The following INTS6 variants were observed in gnomAD, a reference collection of about 807,000 sequenced individuals.
INTS6 encodes the protein DEAD box protein.
Under a neutral mutation model 104.9 loss-of-function variants are expected in INTS6, and 16 were observed. The ratio of observed to expected loss-of-function variants is 0.15; its 90% CI spans 0.10 to 0.23. The LOEUF is 0.23. Ranked by LOEUF, INTS6 falls within the 10% of genes least tolerant of loss-of-function variation. The pLI, the probability that INTS6 is intolerant of heterozygous loss-of-function variation, is 1.00. For missense variants in INTS6, 584 were observed against 1,062.8 expected (o/e 0.55, Z 6.26); for synonymous variants, 324 against 358.7 (o/e 0.90, Z 1.09).
chr13:51,370,717 TAC>T (rs966092386), intron 15 of INTS6, among the ~76,000 whole-genome samples: 2 of 152,090 alleles, frequency 1.3e-5, no homozygotes, highest in Non-Finnish European at 2.9e-5. Flanking sequence ...GCAAAAAGTA[TAC>T]AGTTTATATC....
intron 9 of INTS6, 80 bp from the exon 10 acceptor site, chr13:51,382,203 T>C: frequency 2.7e-6 from 2 of 730,672 alleles, no homozygotes; most frequent in Non-Finnish European, 4.3e-6. Flanking sequence ...GTTTCCTTTT[T>C]AAAGTCTGCT....
At chr13:51,423,474 A>G (rs1379927559) in intron 4 of INTS6, among the ~76,000 whole-genome samples, 1 of 152,070 alleles carries the variant, frequency 6.6e-6, no homozygotes, top group Admixed American at 6.6e-5. Flanking sequence ...CATGACAGAT[A>G]ATATAAATTA....
Position 51,451,839 on chromosome 13 carries a change from A to C in INTS6, c.189+139T>G, listed in dbSNP as rs1399269025. On this transcript the variant is annotated intron_variant, in intron 2 of 17. Transcript: ENST00000311234. ...AGCGGGGGAGGGGGTGGGAGCCCGCAGGGAAGAGACCTCAGCGGCTGGGAG... is the reference window on the plus strand; with the variant it reads ...AGCGGGGGAGGGGGTGGGAGCCCGCCGGGAAGAGACCTCAGCGGCTGGGAG... The C allele has an allele frequency of 1.0e-4, 41 of 410,830 alleles. No homozygotes were observed. The Admixed American group carries it at 1.3e-3, about 13-fold the overall frequency. 25.4% of individuals were successfully genotyped at this position (410,830 alleles called of 1,614,324 possible).
In INTS6 at chr13:51,424,197, T is replaced by C. The variant is rs567724237; in HGVS notation, c.429+6097A>G. Among the ~76,000 whole-genome samples the C allele has an allele frequency of 2.0e-5, 3 of 152,154 alleles. No homozygotes were observed. The South Asian group carries it at 6.2e-4, about 32-fold the overall frequency. On this transcript the variant is annotated intron_variant, in intron 4 of 17. Transcript: ENST00000311234. ...ACAGGCTAATAAACACAGGGTGAAA[T>C]TGCTTCACCCTCTGAATAAAAACTA... is the stretch of plus-strand genomic sequence containing the variant.
At chr13:51,432,448 AATTT>A (rs145562838) in intron 3 of INTS6, among the ~76,000 whole-genome samples, 6,508 of 151,304 alleles carry the variant, frequency 0.043, 188 homozygotes, top group South Asian at 0.056. Context: ...TGTTTACCAC[AATTT>A]ATTAAAAAAA....
chr13:51,442,919 A>G lies in INTS6; in HGVS notation c.339+8106T>C, dbSNP rs1952824992. On this transcript the variant is annotated intron_variant, in intron 3 of 17. Coordinates refer to ENST00000311234, the MANE Select transcript of INTS6 (RefSeq NM_012141.3). Reference sequence around the variant, plus strand: ...CCAAACAAAGGGAGGAAGGAATCCAACTAAAGCTAATTTTGTAACAAACAG... The same window carrying G: ...CCAAACAAAGGGAGGAAGGAATCCAGCTAAAGCTAATTTTGTAACAAACAG... 3 of 152,206 alleles carry G rather than the reference A, an allele frequency of 2.0e-5. 1 individual carries two copies. The highest frequency in any genetic ancestry group is 4.1e-4 in the South Asian group (2 of 4,832). The allele number at this position is 152,206 out of a possible 1,614,324, so 9.4% of individuals were successfully genotyped here.
chr13:51,368,501 GC>G (rs1341124184), intron 16 of INTS6, among the ~76,000 whole-genome samples: 1 of 152,148 alleles, frequency 6.6e-6, no homozygotes, highest in Non-Finnish European at 1.5e-5. Flanking sequence ...ATACCAGAGA[GC>G]TTTCATAACT....
intron 12 of INTS6, among the ~76,000 whole-genome samples, chr13:51,377,640 A>T (rs1219627301): frequency 1.3e-5 from 2 of 152,124 alleles, no homozygotes; most frequent in Non-Finnish European, 2.9e-5. Context: ...GAGGGCCTAC[A>T]TCTAGACTCA....
chr13:51,430,585 G>A (rs1446757381), intron 3 of INTS6, among the ~76,000 whole-genome samples: 1 of 152,186 alleles, frequency 6.6e-6, no homozygotes, highest in South Asian at 2.1e-4. Flanking sequence ...AGAGGGATTA[G>A]GTAGAGAAAG....
chr13:51,424,494 C>T (rs1956952610), intron 4 of INTS6, among the ~76,000 whole-genome samples: 1 of 151,910 alleles, frequency 6.6e-6, no homozygotes, highest in Non-Finnish European at 1.5e-5. Flanking sequence ...TATTTTTAAA[C>T]TACTAATAAT....
chr13:51,438,706 A>G (rs1952739711), intron 3 of INTS6: 1 of 152,256 alleles, frequency 6.6e-6, no homozygotes, highest in Non-Finnish European at 1.5e-5. Context: ...TATTGGTTTA[A>G]GAAATGTGAT....
rs1320224656 is a variant in INTS6 at position 51,451,996 on chromosome 13, C to T, written c.171G>A (p.Glu57=). 2 of 1,609,460 alleles carry T rather than the reference C, an allele frequency of 1.2e-6. No individual in the cohort carries two copies. The highest frequency in any genetic ancestry group is 1.7e-6 in the Non-Finnish European group (2 of 1,177,398). ...CTGTTACCTTGATAGCATAGGGCGGCTCTTCGAAAGTGACCAGCATATACC... is the reference window on the plus strand; with the variant it reads ...CTGTTACCTTGATAGCATAGGGCGGTTCTTCGAAAGTGACCAGCATATACC... The part of the protein sequence containing the change: ...GDRYMLVTFE[E]PPYAIKAGWK... The change falls in exon 2 of 18, where the codon GAG becomes GAA. Residue 57 remains glutamate, a synonymous_variant. Coordinates refer to ENST00000311234, the MANE Select transcript of INTS6 (RefSeq NM_012141.3).
chr13:51,402,827 G>A (rs1956463107), intron 4 of INTS6: 1 of 152,134 alleles, frequency 6.6e-6, no homozygotes, highest in Admixed American at 6.6e-5. Context: ...GGCAGATTAG[G>A]CAGGTGACAG....
chr13:51,347,283 C>T, the INTS6 span: 1 of 1,539,374 alleles, frequency 6.5e-7, no homozygotes, highest in Non-Finnish European at 8.9e-7. Context: ...AAGCCTGGGC[C>T]TGAGGGCAGG....
At chr13:51,336,983 A>G in the INTS6 span, among the ~76,000 whole-genome samples, 4 of 152,216 alleles carry the variant, frequency 2.6e-5, no homozygotes, top group African/African-American at 9.6e-5. Context: ...GCCTTCCTGG[A>G]AGGACAGGTG....
In INTS6 at chr13:51,364,864, C is replaced by T. The variant is rs553374346; in HGVS notation, c.*888G>A. On this transcript the variant is annotated 3_prime_UTR_variant, in exon 18 of 18. Transcript: ENST00000311234. Reference sequence around the variant, plus strand: ...ACCTACCACTCCCTAACAGCTTCAGCTTCGTGCCATCCACAATCCTAGTGA... The same window carrying T: ...ACCTACCACTCCCTAACAGCTTCAGTTTCGTGCCATCCACAATCCTAGTGA... The T allele has an allele frequency of 1.3e-5, 2 of 152,296 alleles. No homozygotes were observed. The highest frequency in any genetic ancestry group is 4.1e-4 in the South Asian group (2 of 4,830). The allele number at this position is 152,296 out of a possible 1,614,324, so 9.4% of individuals were successfully genotyped here. A position where few individuals can be genotyped will look rare whatever the true frequency, so the allele number is the denominator to read the frequency against.
downstream of INTS6, among the ~76,000 whole-genome samples, chr13:51,350,578 C>A (rs1955394536): frequency 6.6e-6 from 1 of 152,162 alleles, no homozygotes; most frequent in Non-Finnish European, 1.5e-5. Context: ...CTCCCAGGAG[C>A]TGCTGATTAT....
intron 4 of INTS6, among the ~76,000 whole-genome samples, chr13:51,429,366 T>C (rs186738682): frequency 7.2e-5 from 11 of 152,182 alleles, no homozygotes; most frequent in South Asian, 2.1e-4. Flanking sequence ...TCAAATACCA[T>C]AGTAAAAACA....
downstream of INTS6, among the ~76,000 whole-genome samples, chr13:51,351,407 G>C (rs1377732253): frequency 6.6e-6 from 1 of 152,116 alleles, no homozygotes; most frequent in African/African-American, 2.4e-5. Context: ...TAATGAGGTA[G>C]AGCATCTTTT....
Sources: allele counts gnomAD v4.1 joint callset (sites outside exome capture counted in the v4.1 genomes callset), GRCh38; gene constraint gnomAD v4.1.1; transcripts MANE v1.5; gene names NCBI Gene and HGNC (gene_info 2026-07-23, HGNC 2026-07-21).